Variants in PDE7A observed in about 807,000 individuals in gnomAD.
The protein encoded by PDE7A is phosphodiesterase 7A.
In PDE7A, 39 loss-of-function variants were observed where a neutral mutation model predicts 64.3. The observed-to-expected ratio is 0.61, with a 90% CI of 0.47 to 0.79. The LOEUF is 0.79. Ranked by LOEUF, PDE7A falls within the 30% of genes least tolerant of loss-of-function variation. The probability of loss-of-function intolerance (pLI) is 0.00; values close to 1 mark genes in which losing one functional copy is unlikely to be tolerated. For synonymous variants in PDE7A, 203 were observed against 206.8 expected (o/e 0.98, Z 0.16); for missense variants, 470 against 582.8 (o/e 0.81, Z 1.99).
rs1047343378 is a variant in PDE7A, at chr8:65,714,538, C to T, written c.*4752G>A. ...ATTAGCAAGGAACAAGCTGCTAATT[C>T]TTGCACAGACCTGTATTACTCCGTG... is the stretch of plus-strand genomic sequence containing the variant. On this transcript the variant is annotated 3_prime_UTR_variant, in exon 13 of 13. Coordinates refer to ENST00000401827, the MANE Select transcript of PDE7A (RefSeq NM_001242318.3). The T allele has an allele frequency of 3.9e-5, 6 of 152,120 alleles. No homozygotes were observed. The highest frequency in any genetic ancestry group is 6.5e-5 in the Admixed American group (1 of 15,274). 9.4% of individuals were successfully genotyped at this position (152,120 alleles called of 1,614,324 possible).
chr8:65,810,379 G>A (rs1810231374), intron 1 of PDE7A, among the ~76,000 whole-genome samples: 2 of 151,980 alleles, frequency 1.3e-5, no homozygotes, highest in Admixed American at 6.6e-5. Context: ...GATAGCATTA[G>A]AAGAAATACC....
chr8:65,773,394 T>A (rs1009356271), intron 3 of PDE7A, among the ~76,000 whole-genome samples: 2 of 152,196 alleles, frequency 1.3e-5, no homozygotes, highest in African/African-American at 2.4e-5. Flanking sequence ...AACTTACACA[T>A]TTGTCACCTT....
rs922149261 is a variant in PDE7A at position 65,841,746 on chromosome 8, C to G, written c.-238G>C. On this transcript the variant is annotated 5_prime_UTR_variant, in exon 1 of 13. Coordinates refer to ENST00000401827, the MANE Select transcript of PDE7A (RefSeq NM_001242318.3). ...CAATTACCAGGACCGGCGCGCGCCT[C>G]GCTCCAGGCGAGGGGGGACGGGGTG... The G allele has an allele frequency of 1.3e-5, 2 of 153,376 alleles. No individual in the cohort carries two copies. Among genetic ancestry groups the G allele is most frequent in the Non-Finnish European group, 2.9e-5 (2 of 69,654 alleles). The allele number at this position is 153,376 out of a possible 1,614,324, so 9.5% of individuals were successfully genotyped here.
chr8:65,742,884 T>C (rs775853405), intron 5 of PDE7A, among the ~76,000 whole-genome samples: 1 of 152,242 alleles, frequency 6.6e-6, no homozygotes, highest in Non-Finnish European at 1.5e-5. Flanking sequence ...TTAGCCACCC[T>C]GTCCACAAAT....
intron 1 of PDE7A, among the ~76,000 whole-genome samples, chr8:65,831,839 G>C (rs973011343): frequency 6.6e-6 from 1 of 152,042 alleles, no homozygotes; most frequent in African/African-American, 2.4e-5. Context: ...CAACTCACTT[G>C]ACTTATTATT....
intron 1 of PDE7A, among the ~76,000 whole-genome samples, chr8:65,791,507 A>G (rs115602555): frequency 1.1e-3 from 169 of 152,366 alleles, no homozygotes; most frequent in African/African-American, 3.9e-3. Context: ...ACAATGGTCC[A>G]TGAAGGGAAC....
intron 3 of PDE7A, among the ~76,000 whole-genome samples, chr8:65,759,562 G>C (rs1387166531): frequency 6.6e-6 from 1 of 152,146 alleles, no homozygotes; most frequent in Admixed American, 6.5e-5. Context: ...GTACTCTCTT[G>C]GTGACTCTAA....
Position 65,842,015 on chromosome 8 carries a change from C to A in PDE7A, c.-507G>T. 1 of 234,344 alleles carries A rather than the reference C, an allele frequency of 4.3e-6. No homozygotes were observed. Among genetic ancestry groups the A allele is most frequent in the Non-Finnish European group, 8.1e-6 (1 of 123,454 alleles). 14.5% of individuals were successfully genotyped at this position (234,344 alleles called of 1,614,324 possible). On this transcript the variant is annotated 5_prime_UTR_variant, in exon 1 of 13. Transcript: ENST00000401827. ...CGCCGGAGTCCTGCTCCTCCCCTCC[C>A]CCGGAGCCTGACTTCACTCCGCCGC...
chr8:65,779,757 T>C lies in PDE7A; in HGVS notation c.246A>G (p.Arg82=), dbSNP rs779856380. 6.3e-7 allele frequency: 1 copy of C among 1,598,862 alleles called. No individual in the cohort carries two copies. Among genetic ancestry groups the C allele is most frequent in the East Asian group, 2.3e-5 (1 of 43,990 alleles). The part of the protein sequence containing the change: ...RSRAGFESER[R]GSHPYIDFRI... ...GAAAATCAATATATGGGTGAGAACC[T>C]CTTCTTTCTGATTCAAATCCTGCTC... The change falls in exon 3 of 13, where the codon AGA becomes AGG. Residue 82 remains arginine (R), a synonymous_variant. Coordinates refer to ENST00000401827, the MANE Select transcript of PDE7A (RefSeq NM_001242318.3).
intron 1 of PDE7A, among the ~76,000 whole-genome samples, chr8:65,815,159 C>A (rs1467750593): frequency 6.6e-6 from 1 of 151,794 alleles, no homozygotes; most frequent in Non-Finnish European, 1.5e-5. Context: ...AATGTATTCA[C>A]AGTAATGGTG....
At chr8:65,749,927 G>A (rs1431720363) in intron 3 of PDE7A, among the ~76,000 whole-genome samples, 7 of 152,164 alleles carry the variant, frequency 4.6e-5, no homozygotes, top group African/African-American at 1.7e-4. Flanking sequence ...GAAACAGAAG[G>A]AAAATAGCTA....
chr8:65,838,354 C>G (rs559009339), intron 1 of PDE7A: 1 of 152,176 alleles, frequency 6.6e-6, no homozygotes, highest in Non-Finnish European at 1.5e-5. Context: ...CAATAGATAT[C>G]CAAAAACGAC....
intron 1 of PDE7A, among the ~76,000 whole-genome samples, chr8:65,792,963 T>A (rs1422095846): frequency 2.0e-5 from 3 of 152,098 alleles, no homozygotes; most frequent in African/African-American, 7.2e-5. Context: ...GAATATTTGA[T>A]GAAAATGTCA....
intron 3 of PDE7A, among the ~76,000 whole-genome samples, chr8:65,774,717 A>T (rs144293732): frequency 5.9e-5 from 9 of 151,968 alleles, no homozygotes; most frequent in African/African-American, 2.2e-4. Flanking sequence ...AAATTTATTT[A>T]AAAAATTTAT....
At chr8:65,778,593 T>C (rs1345460926) in intron 3 of PDE7A, among the ~76,000 whole-genome samples, 1 of 152,214 alleles carries the variant, frequency 6.6e-6, no homozygotes, top group Non-Finnish European at 1.5e-5. Context: ...GGTTATTTTA[T>C]GCCAATAAGT....
chr8:65,779,858 G>A (rs1241673758), intron 2 of PDE7A, 55 bp from the exon 3 acceptor site: 2 of 1,081,474 alleles, frequency 1.8e-6, no homozygotes, highest in South Asian at 1.4e-5. Flanking sequence ...TCGGGAAGAA[G>A]CTTCCATATG....
chr8:65,749,171 A>G lies in PDE7A; in HGVS notation c.284-1368T>C, dbSNP rs752227714. 2.6e-4 allele frequency among the ~76,000 whole-genome samples: 40 copies of G among 152,190 alleles called. 1 individual carries two copies. The highest frequency in any genetic ancestry group is 5.0e-4 in the Non-Finnish European group (34 of 68,018). On this transcript the variant is annotated intron_variant, in intron 3 of 12. Transcript: ENST00000401827. ...ATTCATCTATAATAGTACTTCTGAT[A>G]TTATAATTAGTTTTTTGTCTCCTTG...
chr8:65,738,397 G>A (rs1035520206), intron 6 of PDE7A, among the ~76,000 whole-genome samples: 57 of 152,154 alleles, frequency 3.7e-4, no homozygotes, highest in African/African-American at 1.2e-3. Context: ...AGCAAATGCA[G>A]GAGAGGACTT....
At chr8:65,785,307 G>A (rs955848258) in intron 1 of PDE7A, among the ~76,000 whole-genome samples, 131 of 152,258 alleles carry the variant, frequency 8.6e-4, no homozygotes, top group African/African-American at 2.9e-3. Flanking sequence ...GTCTTGCAGT[G>A]TGTGTAATTA....
Sources: gnomAD v4.1 joint callset for allele counts (sites outside exome capture counted in the v4.1 genomes callset) on GRCh38, gnomAD v4.1.1 for gene constraint, MANE v1.5 for transcripts, NCBI Gene and HGNC (gene_info 2026-07-23, HGNC 2026-07-21) for gene names.